PTPRK: variants seen among roughly 807,000 people sequenced by gnomAD.
PTPRK encodes the protein protein tyrosine phosphatase receptor type K.
Under a neutral mutation model 178.0 loss-of-function variants are expected in PTPRK, and 75 were observed. That is an observed-to-expected ratio of 0.42 (90% CI 0.35 to 0.51). PTPRK has a LOEUF of 0.51. PTPRK is among the 20% of genes least tolerant of loss of function. The pLI, the probability that PTPRK is intolerant of heterozygous loss-of-function variation, is 0.02. For missense variants in PTPRK, 1,441 were observed against 1,797.8 expected, an observed-to-expected ratio of 0.80 and a Z score of 3.59; for synonymous variants, 637 against 620.6, an observed-to-expected ratio of 1.03 and a Z score of -0.39.
chr6:128,107,166 G>T (rs1417854169), intron 7 of PTPRK, among the ~76,000 whole-genome samples: 1 of 151,882 alleles, frequency 6.6e-6, no homozygotes, highest in Non-Finnish European at 1.5e-5. Flanking sequence ...CTCATAACTT[G>T]CTAGTACATG....
intron 7 of PTPRK, among the ~76,000 whole-genome samples, chr6:128,095,915 T>TC (rs1057405760): frequency 1.3e-5 from 2 of 152,178 alleles, no homozygotes; most frequent in Non-Finnish European, 2.9e-5. Flanking sequence ...ATACATATAT[T>TC]CAATAGGAAC....
intron 1 of PTPRK, among the ~76,000 whole-genome samples, chr6:128,478,693 G>A (rs1562604422): frequency 6.6e-6 from 1 of 152,008 alleles, no homozygotes; most frequent in Non-Finnish European, 1.5e-5. Flanking sequence ...AACATTTTCA[G>A]TTACTTTCAT....
Position 128,067,474 on chromosome 6 carries a change from C to T in PTPRK, c.2157+45G>A, listed in dbSNP as rs115117998. On this transcript the variant is annotated intron_variant, in intron 12 of 29. Transcript: ENST00000368226. The stretch of plus-strand genomic sequence containing the variant: ...GAGTATTCATAAAATTTGACTTCAG[C>T]TTTTCTTCAAAGCAGGGAAAAAGCA... The T allele has an allele frequency of 2.0e-3, 2,827 of 1,446,974 alleles. 51 individuals carry two copies. The African/African-American group carries it at 0.034, about 18-fold the overall frequency. The allele number at this position is 1,446,974 out of a possible 1,614,324, so 89.6% of individuals were successfully genotyped here. A position where few individuals can be genotyped will look rare whatever the true frequency, so the allele number is the denominator to read the frequency against.
intron 17 of PTPRK, among the ~76,000 whole-genome samples, chr6:127,995,860 C>T (rs1040454939): frequency 1.3e-5 from 2 of 152,044 alleles, no homozygotes; most frequent in Admixed American, 1.3e-4. Flanking sequence ...GCTTTTTAGT[C>T]ATGACTTTAA....
chr6:128,299,748 A>G (rs1257936643), intron 3 of PTPRK, among the ~76,000 whole-genome samples: 1 of 152,232 alleles, frequency 6.6e-6, no homozygotes, highest in African/African-American at 2.4e-5. Flanking sequence ...CTTAAACGTT[A>G]GACCTAAAAC....
intron 1 of PTPRK, 125 bp downstream of exon 1, chr6:128,520,134 G>A (rs868464471): frequency 1.2e-6 from 1 of 816,134 alleles, no homozygotes; most frequent in Non-Finnish European, 1.9e-6. Flanking sequence ...TCTACCCTGT[G>A]TTCCCCACCC....
chr6:128,491,436 A>C (rs192107537), intron 1 of PTPRK, among the ~76,000 whole-genome samples: 11 of 152,332 alleles, frequency 7.2e-5, no homozygotes, highest in Admixed American at 4.6e-4. Flanking sequence ...GTGGGACACA[A>C]AGGCTTTTTG....
intron 13 of PTPRK, among the ~76,000 whole-genome samples, chr6:128,032,362 G>A (rs527999938): frequency 6.6e-6 from 1 of 152,246 alleles, no homozygotes; most frequent in South Asian, 2.1e-4. Context: ...CATGCTGCCT[G>A]CACTAGTTTA....
chr6:128,177,233 T>C (rs188319909), intron 7 of PTPRK, among the ~76,000 whole-genome samples: 40 of 151,844 alleles, frequency 2.6e-4, no homozygotes, highest in African/African-American at 9.6e-4. Flanking sequence ...GTCATTTTCT[T>C]CATCATATAC....
At chr6:127,991,693 A>G (rs1385804611) in intron 19 of PTPRK, among the ~76,000 whole-genome samples, 1 of 151,538 alleles carries the variant, frequency 6.6e-6, no homozygotes, top group East Asian at 1.9e-4. Context: ...TGCATCTTCA[A>G]ATATGTGTAA....
intron 1 of PTPRK, among the ~76,000 whole-genome samples, chr6:128,431,648 C>T (rs942572063): frequency 2.6e-5 from 4 of 152,148 alleles, no homozygotes; most frequent in African/African-American, 4.8e-5. Context: ...ATCAAAAATC[C>T]TAGCATTTCC....
chr6:128,244,814 T>C (rs560350845), intron 3 of PTPRK, among the ~76,000 whole-genome samples: 17 of 152,226 alleles, frequency 1.1e-4, no homozygotes, highest in East Asian at 7.7e-4. Context: ...TCTGCAGAAA[T>C]AGAACAACAA....
rs138401176 is a variant in PTPRK at position 128,139,460 on chromosome 6, G to A, written c.1162+44972C>T. 5.2e-3 allele frequency among the ~76,000 whole-genome samples: 793 copies of A among 151,974 alleles called. 7 individuals are homozygous for A. Among genetic ancestry groups the A allele is most frequent in the Non-Finnish European group, 8.6e-3 (581 of 67,884 alleles). On this transcript the variant is annotated intron_variant, in intron 7 of 29. Coordinates refer to ENST00000368226, the MANE Select transcript of PTPRK (RefSeq NM_002844.4). Reference sequence around the variant, plus strand: ...TTTAAAGGGCTCCTCTCTTCTTTTTGCTTAAAGGTACCCTACTGAGAACCT... The same window carrying A: ...TTTAAAGGGCTCCTCTCTTCTTTTTACTTAAAGGTACCCTACTGAGAACCT...
chr6:127,985,734 C>G lies in PTPRK; in HGVS notation c.3238G>C (p.Val1080Leu), dbSNP rs765143497. The change falls in exon 22 of 30, where the codon GTT becomes CTT. Residue 1080 changes from valine (V) to leucine (L), a missense_variant. Val to Leu is a conservative substitution (Grantham distance 32, BLOSUM62 1). Around this residue, in one of 4 missense-constraint regions of PTPRK, gnomAD observed 335 missense variants for 512.4 expected, o/e 0.65. Coordinates refer to ENST00000368226, the MANE Select transcript of PTPRK (RefSeq NM_002844.4). ...LSNPPSAGPI[V>L]VHCSAGAGRT... ...ACCACCACTTACCTGCAATGTACAA[C>G]GATGGGGCCAGCACTGGGAGGGTTT... is the stretch of plus-strand genomic sequence containing the variant. 1 of 1,612,362 alleles carries G rather than the reference C, an allele frequency of 6.2e-7. No individual in the cohort carries two copies. The highest frequency in any genetic ancestry group is 8.5e-7 in the Non-Finnish European group (1 of 1,178,872).
At chr6:128,430,286 G>A (rs373018798) in intron 1 of PTPRK, among the ~76,000 whole-genome samples, 10 of 152,264 alleles carry the variant, frequency 6.6e-5, no homozygotes, top group South Asian at 6.2e-4. Context: ...TAGTTTCCTC[G>A]ACTGTAAATA....
At chr6:128,434,168 T>C (rs568032723) in intron 1 of PTPRK, among the ~76,000 whole-genome samples, 104 of 152,152 alleles carry the variant, frequency 6.8e-4, no homozygotes, top group African/African-American at 2.4e-3. Context: ...CCCAGGTGAA[T>C]GCAAACAAAA....
chr6:128,504,527 A>C (rs1207532328), intron 1 of PTPRK, among the ~76,000 whole-genome samples: 1 of 152,182 alleles, frequency 6.6e-6, no homozygotes, highest in Non-Finnish European at 1.5e-5. Flanking sequence ...AACCTAAATT[A>C]AAGGTAAAAA....
Position 128,184,498 on chromosome 6 carries a change from T to A in PTPRK, c.1096A>T (p.Thr366Ser). Residue 366 changes from threonine to serine, a missense_variant, in exon 7 of 30, where the codon ACA becomes TCA. Coordinates refer to ENST00000368226, the MANE Select transcript of PTPRK (RefSeq NM_002844.4). The part of the protein sequence containing the change: ...DTEYEIRVLL[T>S]RPGEGGTGLP... Reference sequence around the variant, plus strand: ...CCCGTTCCACCTTCACCAGGTCTTGTAAGTAGAACTCGGATCTCATATTCG... The same window carrying A: ...CCCGTTCCACCTTCACCAGGTCTTGAAAGTAGAACTCGGATCTCATATTCG... 6.2e-7 allele frequency: 1 copy of A among 1,613,862 alleles called. No homozygotes were observed. Among genetic ancestry groups the A allele is most frequent in the African/African-American group, 1.3e-5 (1 of 75,042 alleles).
chr6:128,062,438 G>A (rs1781005937), intron 13 of PTPRK: 1 of 166,778 alleles, frequency 6.0e-6, no homozygotes, highest in Non-Finnish European at 1.5e-5. Flanking sequence ...AAGGTTCAGA[G>A]AAGAAAATAT....
Sources: allele counts gnomAD v4.1 joint callset (sites outside exome capture counted in the v4.1 genomes callset), GRCh38; gene constraint gnomAD v4.1.1; regional missense constraint gnomAD v4.1.1; transcripts MANE v1.5; gene names NCBI Gene and HGNC (gene_info 2026-07-23, HGNC 2026-07-21).